The following NIBAN2 variants were observed in gnomAD, a reference collection of about 807,000 sequenced individuals.
The protein encoded by NIBAN2 is niban apoptosis regulator 2.
NIBAN2 carries 36 observed loss-of-function variants against 81.8 expected under a neutral mutation model. That is an observed-to-expected ratio of 0.44 (90% confidence interval 0.34 to 0.58). NIBAN2 has a LOEUF of 0.58. NIBAN2 is among the 20% of genes least tolerant of loss of function. The probability of loss-of-function intolerance (pLI) is 0.02; values close to 1 mark genes in which losing one functional copy is unlikely to be tolerated. For synonymous variants in NIBAN2, 445 were observed against 441.6 expected (o/e 1.01, Z -0.10); for missense variants, 897 against 1,014.1 (o/e 0.88, Z 1.57).
chr9:127,536,069 T>C lies in NIBAN2; in HGVS notation c.56-4291A>G, dbSNP rs1432597683. ...CGGGAGAGCTAGAAAGGGAGGACCA[T>C]GGGAAACAGGGCCACGGATGGCTCC... On this transcript the variant is annotated intron_variant, in intron 1 of 13. Coordinates refer to ENST00000373312, the MANE Select transcript of NIBAN2 (RefSeq NM_022833.4). The surrounding 1 kb of genome is among the most constrained non-coding windows in gnomAD (Gnocchi z 4.0). Among the ~76,000 whole-genome samples, 1 of 151,654 alleles carries C rather than the reference T, an allele frequency of 6.6e-6. No individual in the cohort carries two copies. Among genetic ancestry groups the C allele is most frequent in the Non-Finnish European group, 1.5e-5 (1 of 67,916 alleles).
chr9:127,515,723 G>T lies in NIBAN2; in HGVS notation c.973+1134C>A, dbSNP rs542339630. 1.1e-4 allele frequency among the ~76,000 whole-genome samples: 17 copies of T among 151,708 alleles called. No homozygotes were observed. The East Asian group carries it at 3.3e-3, about 29-fold the overall frequency. ...ATGGTAGCAGGTGCCTGTAATCCCA[G>T]CTACTTGAGGGGCTGAGGCAGGAGA... On this transcript the variant is annotated intron_variant, in intron 8 of 13. Coordinates refer to ENST00000373312, the MANE Select transcript of NIBAN2 (RefSeq NM_022833.4).
intron 8 of NIBAN2, among the ~76,000 whole-genome samples, chr9:127,515,234 C>G (rs975881479): frequency 3.3e-5 from 5 of 151,692 alleles, no homozygotes; most frequent in African/African-American, 4.8e-5. Context: ...AAAAACAGGC[C>G]GGGCGGCCAG....
chr9:127,564,877 A>G (rs1456257535), intron 1 of NIBAN2, among the ~76,000 whole-genome samples: 6 of 152,160 alleles, frequency 3.9e-5, no homozygotes, highest in Admixed American at 3.9e-4. Flanking sequence ...AAAAAAAAAA[A>G]AAATCTGTTT....
At chr9:127,549,790 T>C (rs1171581322) in intron 1 of NIBAN2, among the ~76,000 whole-genome samples, 2 of 152,162 alleles carry the variant, frequency 1.3e-5, no homozygotes, top group East Asian at 1.9e-4. Flanking sequence ...AAGACTCCCT[T>C]GGTCTGTACT....
At chr9:127,541,848 C>G (rs568471692) in intron 1 of NIBAN2, among the ~76,000 whole-genome samples, 1 of 152,248 alleles carries the variant, frequency 6.6e-6, no homozygotes, top group East Asian at 1.9e-4. Context: ...CTGGGACCCC[C>G]CTTCTGGGCC....
rs1175038651 is a variant in NIBAN2, at chr9:127,563,793, C to T, written c.55+5027G>A. 1.3e-5 allele frequency among the ~76,000 whole-genome samples: 2 copies of T among 152,136 alleles called. No individual in the cohort carries two copies. The highest frequency in any genetic ancestry group is 2.9e-5 in the Non-Finnish European group (2 of 68,038). ...TCTCCCAAAGCGCTGGAATTACAAG[C>T]GTGAGTCACCGCGCCCAGCAGAGAG... On this transcript the variant is annotated intron_variant, in intron 1 of 13. Transcript: ENST00000373312. The surrounding 1 kb of genome is among the most constrained non-coding windows in gnomAD (Gnocchi z 4.1).
In NIBAN2 at chr9:127,506,760, C is replaced by T; in HGVS notation, c.*85G>A. On this transcript the variant is annotated 3_prime_UTR_variant, in exon 14 of 14. Transcript: ENST00000373312. ...CCCGCCTCCACCCACAAGGCACAGA[C>T]CAGGGTGCCCTCCCCAGAGCTGAGC... 1 of 1,318,424 alleles carries T rather than the reference C, an allele frequency of 7.6e-7. No individual in the cohort carries two copies. Among genetic ancestry groups the T allele is most frequent in the South Asian group, 1.5e-5 (1 of 67,206 alleles). The allele number at this position is 1,318,424 out of a possible 1,614,324, so 81.7% of individuals were successfully genotyped here.
chr9:127,557,546 C>A (rs1044860891), intron 1 of NIBAN2, among the ~76,000 whole-genome samples: 2 of 152,198 alleles, frequency 1.3e-5, no homozygotes, highest in African/African-American at 4.8e-5. Flanking sequence ...GGCCTCCAGG[C>A]AGGGCAAGCT....
At chr9:127,509,729 C>T (rs1836690824) in intron 9 of NIBAN2, among the ~76,000 whole-genome samples, 4 of 151,456 alleles carry the variant, frequency 2.6e-5, no homozygotes, top group Non-Finnish European at 5.9e-5. Context: ...TGAATTCTTC[C>T]TTATCAATCT....
intron 1 of NIBAN2, among the ~76,000 whole-genome samples, chr9:127,557,872 C>T (rs535305118): frequency 2.5e-4 from 38 of 152,208 alleles, no homozygotes; most frequent in Non-Finnish European, 2.5e-4. Context: ...CTGCCACCCT[C>T]CTTGAGAGAT....
At chr9:127,510,395 G>GC in intron 8 of NIBAN2, 62 bp from the exon 9 acceptor site, 2 of 1,320,808 alleles carry the variant, frequency 1.5e-6, no homozygotes, top group East Asian at 2.4e-5. Context: ...AGCCATCCCA[G>GC]AGCCCAGGTG....
chr9:127,551,766 T>C (rs906375894), intron 1 of NIBAN2, among the ~76,000 whole-genome samples: 2 of 152,030 alleles, frequency 1.3e-5, no homozygotes, highest in South Asian at 2.1e-4. Context: ...CACAGTGTCA[T>C]GCACATGGGA....
At chr9:127,510,605 T>C (rs1294742718) in intron 8 of NIBAN2, among the ~76,000 whole-genome samples, 2 of 151,984 alleles carry the variant, frequency 1.3e-5, no homozygotes, top group Non-Finnish European at 2.9e-5. Context: ...CCCAGCTAAT[T>C]TTTATATTTT....
At position 127,578,562 on chromosome 9, in the gene NIBAN2, T is replaced by A. The variant is rs1473201823; in HGVS notation, c.16+360A>T. On this transcript the variant is annotated intron_variant, in intron 1 of 13. Transcript: ENST00000373314. Reference sequence around the variant, plus strand: ...CTGTCATCCCAGCTACTCAGGAGGCTGAGGCAGGAGAATCGCTTGAATCTG... The same window carrying A: ...CTGTCATCCCAGCTACTCAGGAGGCAGAGGCAGGAGAATCGCTTGAATCTG... Among the ~76,000 whole-genome samples, 5 of 150,866 alleles carry A rather than the reference T, an allele frequency of 3.3e-5. No homozygotes were observed. In the East Asian group the frequency reaches 9.8e-4, roughly 29 times the overall value.
At chr9:127,535,605 C>T (rs551153038) in intron 1 of NIBAN2, among the ~76,000 whole-genome samples, 5 of 152,258 alleles carry the variant, frequency 3.3e-5, no homozygotes, top group African/African-American at 7.2e-5. Flanking sequence ...CCTAGGGCCT[C>T]GGGCTGAGGG....
At chr9:127,523,195 ATAT>A (rs1836989080) in intron 5 of NIBAN2, among the ~76,000 whole-genome samples, 1 of 4,564 alleles carries the variant, frequency 2.2e-4, no homozygotes, top group African/African-American at 9.6e-4. Context: ...AAAAAAAAAT[ATAT>A]ATATATATAT....
intron 8 of NIBAN2, 70 bp from the exon 9 acceptor site, chr9:127,510,403 G>A (rs1836714541): frequency 5.8e-6 from 7 of 1,198,304 alleles, no homozygotes; most frequent in Non-Finnish European, 7.0e-6. Flanking sequence ...CAGAGCCCAG[G>A]TGCTGGAGGC....
intron 1 of NIBAN2, among the ~76,000 whole-genome samples, chr9:127,578,225 G>A (rs543570010): frequency 6.0e-5 from 9 of 151,200 alleles, no homozygotes; most frequent in Non-Finnish European, 1.3e-4. Flanking sequence ...GGGCGTAGTG[G>A]CCTGTGCCTG....
chr9:127,528,047 T>C (rs1187642097), intron 2 of NIBAN2, among the ~76,000 whole-genome samples: 1 of 152,212 alleles, frequency 6.6e-6, no homozygotes, highest in African/African-American at 2.4e-5. Context: ...TCTAGTCACT[T>C]TGAGCATCAG....
Sources: allele counts gnomAD v4.1 joint callset (sites outside exome capture counted in the v4.1 genomes callset), GRCh38; gene constraint gnomAD v4.1.1; non-coding constraint Gnocchi (gnomAD v3.1); transcripts MANE v1.5; gene names NCBI Gene and HGNC (gene_info 2026-07-23, HGNC 2026-07-21).